Variants in CELF4 observed in about 807,000 individuals in gnomAD.
CELF4 encodes the protein CUG-BP- and ETR-3-like factor 4.
A neutral mutation model predicts 59.9 loss-of-function variants in CELF4; 18 were observed. That is an observed-to-expected ratio of 0.30 (90% CI 0.21 to 0.45). The LOEUF is 0.45. Ranked by LOEUF, CELF4 falls within the 20% of genes least tolerant of loss-of-function variation. The pLI, the probability that CELF4 is intolerant of heterozygous loss-of-function variation, is 1.00. For missense variants in CELF4, 456 were observed against 689.0 expected (o/e 0.66, Z 3.79); for synonymous variants, 261 against 267.1 (o/e 0.98, Z 0.22).
chr18:37,264,957 GGT>G (rs1371161403), intron 9 of CELF4, among the ~76,000 whole-genome samples, 200 bp from the exon 10 acceptor site: 1 of 151,758 alleles, frequency 6.6e-6, no homozygotes, highest in Non-Finnish European at 1.5e-5. Context: ...TGGGTGTGTG[GGT>G]GTGTGTACGT....
intron 2 of CELF4, among the ~76,000 whole-genome samples, chr18:37,367,324 G>A (rs1317954331): frequency 6.6e-6 from 1 of 151,980 alleles, no homozygotes; most frequent in Non-Finnish European, 1.5e-5. Flanking sequence ...CAGACTGGAG[G>A]CAGACACGGG....
chr18:37,247,408 GT>G (rs1167649740), intron 12 of CELF4: 1 of 96,226 alleles, frequency 1.0e-5, no homozygotes, highest in Non-Finnish European at 2.1e-5. Context: ...GGCAGGTGGG[GT>G]TGGGGAGTGT....
rs1197462366 is a variant in CELF4 at position 37,507,554 on chromosome 18, A to G, written c.287-21947T>C. Among the ~76,000 whole-genome samples, 3 of 152,154 alleles carry G rather than the reference A, an allele frequency of 2.0e-5. No homozygotes were observed. In the East Asian group the frequency reaches 5.8e-4, roughly 29 times the overall value. ...TTCCCATTTCCTCTAAAATCAGTGCACACTTCTCAGGCTTGCCTGCTATGT... is the reference window on the plus strand; with the variant it reads ...TTCCCATTTCCTCTAAAATCAGTGCGCACTTCTCAGGCTTGCCTGCTATGT... On this transcript the variant is annotated intron_variant, in intron 1 of 12. Coordinates refer to ENST00000420428, the MANE Select transcript of CELF4 (RefSeq NM_020180.4).
intron 3 of CELF4, 122 bp from the exon 4 acceptor site, chr18:37,275,365 GAGCC>G: frequency 1.5e-6 from 1 of 662,840 alleles, no homozygotes; most frequent in Non-Finnish European, 2.1e-6. Flanking sequence ...CGGGGGCTCG[GAGCC>G]GGCGGGGGAG....
chr18:37,327,324 A>T (rs981322961), intron 2 of CELF4, among the ~76,000 whole-genome samples: 2 of 152,140 alleles, frequency 1.3e-5, no homozygotes, highest in Non-Finnish European at 2.9e-5. Flanking sequence ...TCACCCCACC[A>T]GTTCCTACTA....
chr18:37,548,221 C>G (rs1197655094), intron 1 of CELF4, among the ~76,000 whole-genome samples: 7 of 152,058 alleles, frequency 4.6e-5, no homozygotes, highest in African/African-American at 1.7e-4. Context: ...CAGTAATGTC[C>G]CAGGGCTTCA....
At chr18:37,455,377 C>G (rs2099775320) in intron 2 of CELF4, among the ~76,000 whole-genome samples, 2 of 152,226 alleles carry the variant, frequency 1.3e-5, no homozygotes, top group Non-Finnish European at 1.5e-5. Context: ...TTTTATTATT[C>G]TACCTCTTCT....
chr18:37,423,417 G>A (rs1331489682), intron 2 of CELF4, among the ~76,000 whole-genome samples: 2 of 152,170 alleles, frequency 1.3e-5, no homozygotes, highest in East Asian at 3.9e-4. Context: ...TGGGAAGACT[G>A]CCTGGAGGAG....
intron 2 of CELF4, among the ~76,000 whole-genome samples, chr18:37,357,698 C>T (rs553942588): frequency 3.7e-4 from 56 of 152,328 alleles, no homozygotes; most frequent in African/African-American, 1.3e-3. Flanking sequence ...CCTGTGAAAG[C>T]AGCTGGAAGG....
intron 2 of CELF4, among the ~76,000 whole-genome samples, chr18:37,431,478 C>T (rs2099663989): frequency 6.6e-6 from 1 of 151,282 alleles, no homozygotes; most frequent in Admixed American, 6.6e-5. Context: ...TGCCATTCTC[C>T]TGCCTCAGCC....
intron 1 of CELF4, among the ~76,000 whole-genome samples, chr18:37,549,312 A>G (rs1331647229): frequency 2.6e-5 from 4 of 152,230 alleles, no homozygotes; most frequent in Non-Finnish European, 5.9e-5. Context: ...GTCTCATAGC[A>G]AGAGGGCTTG....
chr18:37,310,495 C>T (rs950204978), intron 3 of CELF4, among the ~76,000 whole-genome samples: 1 of 152,216 alleles, frequency 6.6e-6, no homozygotes, highest in Non-Finnish European at 1.5e-5. Context: ...TTGGGGTCTT[C>T]CAAGCCTGCC....
At chr18:37,483,115 G>T (rs2099872921) in intron 2 of CELF4, among the ~76,000 whole-genome samples, 1 of 152,108 alleles carries the variant, frequency 6.6e-6, no homozygotes. Context: ...CCTATTATTT[G>T]GTTGGGTGAG....
chr18:37,357,306 A>G (rs2098607348), intron 2 of CELF4, among the ~76,000 whole-genome samples: 1 of 152,214 alleles, frequency 6.6e-6, no homozygotes. Context: ...GCTGGGGCTG[A>G]AAGGGGCCAG....
At chr18:37,323,526 G>C (rs2097195492) in intron 2 of CELF4, among the ~76,000 whole-genome samples, 1 of 152,144 alleles carries the variant, frequency 6.6e-6, no homozygotes, top group Non-Finnish European at 1.5e-5. Flanking sequence ...CTATGGGAGA[G>C]GGGCTCCAGG....
chr18:37,258,839 G>A (rs1353022121), intron 11 of CELF4, among the ~76,000 whole-genome samples: 1 of 152,148 alleles, frequency 6.6e-6, no homozygotes, highest in Admixed American at 6.5e-5. Context: ...CTGTCAAGGT[G>A]GCCCCTTTCC....
At chr18:37,538,890 C>A (rs1463424822) in intron 1 of CELF4, among the ~76,000 whole-genome samples, 3 of 152,194 alleles carry the variant, frequency 2.0e-5, no homozygotes, top group Non-Finnish European at 2.9e-5. Context: ...CCTCCCGTCA[C>A]CTCCCGTGTG....
intron 1 of CELF4, among the ~76,000 whole-genome samples, chr18:37,503,895 C>T (rs2099934534): frequency 6.6e-6 from 1 of 152,134 alleles, no homozygotes; most frequent in Admixed American, 6.5e-5. Flanking sequence ...CTTCCCTGAC[C>T]CCATCTGGAG....
At chr18:37,334,608 GC>G (rs1311039622) in intron 2 of CELF4, among the ~76,000 whole-genome samples, 5 of 151,798 alleles carry the variant, frequency 3.3e-5, no homozygotes, top group African/African-American at 1.2e-4. Context: ...CCCCCTCCAA[GC>G]CCTCCCCTGT....
Sources: allele counts gnomAD v4.1 joint callset (sites outside exome capture counted in the v4.1 genomes callset), GRCh38; gene constraint gnomAD v4.1.1; transcripts MANE v1.5; gene names NCBI Gene and HGNC (gene_info 2026-07-23, HGNC 2026-07-21).